Variants in TOP2B observed in about 807,000 individuals in gnomAD.
TOP2B encodes DNA topoisomerase II beta.
Under a neutral mutation model 193.5 loss-of-function variants are expected in TOP2B, and 51 were observed. The ratio of observed to expected loss-of-function variants is 0.26; its 90% CI spans 0.21 to 0.33. The LOEUF (loss-of-function observed/expected upper bound fraction) is 0.33. Ranked by LOEUF, TOP2B falls within the 10% of genes least tolerant of loss-of-function variation. The pLI, the probability that TOP2B is intolerant of heterozygous loss-of-function variation, is 1.00. For synonymous variants in TOP2B, 634 were observed against 635.7 expected, an observed-to-expected ratio of 1.00 and a Z score of 0.04; for missense variants, 1,378 against 1,909.3, an observed-to-expected ratio of 0.72 and a Z score of 5.19.
chr3:25,637,829 C>G (rs1703146298), intron 5 of TOP2B, among the ~76,000 whole-genome samples: 1 of 151,908 alleles, frequency 6.6e-6, no homozygotes, highest in Non-Finnish European at 1.5e-5. Context: ...TCAAGGAAAA[C>G]AGTTTAAAAG....
intron 33 of TOP2B, among the ~76,000 whole-genome samples, chr3:25,603,092 G>A (rs960653092): frequency 6.6e-6 from 1 of 152,088 alleles, no homozygotes; most frequent in African/African-American, 2.4e-5. Context: ...TAGCTTTTTG[G>A]TCATGCTAAA....
At chr3:25,661,271 T>C (rs1703901539) in intron 1 of TOP2B, among the ~76,000 whole-genome samples, 1 of 152,228 alleles carries the variant, frequency 6.6e-6, no homozygotes, top group South Asian at 2.1e-4. Flanking sequence ...AGTTCTGGGA[T>C]TACAGGCGTG....
intron 30 of TOP2B, among the ~76,000 whole-genome samples, chr3:25,608,624 G>T (rs1702293794): frequency 6.6e-6 from 1 of 152,024 alleles, no homozygotes; most frequent in African/African-American, 2.4e-5. Context: ...AATTTCAGAA[G>T]AATGTACAAA....
intron 1 of TOP2B, among the ~76,000 whole-genome samples, chr3:25,650,238 T>C (rs1160858535): frequency 6.6e-6 from 1 of 152,230 alleles, no homozygotes; most frequent in Non-Finnish European, 1.5e-5. Context: ...GCTAAAACTT[T>C]ACCTAACTTT....
intron 1 of TOP2B, among the ~76,000 whole-genome samples, chr3:25,650,379 T>A (rs1465970016): frequency 6.6e-6 from 1 of 152,230 alleles, no homozygotes; most frequent in Non-Finnish European, 1.5e-5. Flanking sequence ...GCTTTCGCTT[T>A]GATTGGACCA....
At chr3:25,642,204 A>C (rs938425759) in intron 4 of TOP2B, 118 bp downstream of exon 4, 5 of 539,294 alleles carry the variant, frequency 9.3e-6, no homozygotes, top group African/African-American at 3.8e-5. Flanking sequence ...ACAAAGTCTC[A>C]AACAACAGGG....
chr3:25,610,722 AC>A (rs1453576898), intron 28 of TOP2B, among the ~76,000 whole-genome samples: 1 of 152,200 alleles, frequency 6.6e-6, no homozygotes, highest in Non-Finnish European at 1.5e-5. Context: ...AATCAGACTG[AC>A]TTTTTAGAAT....
At chr3:25,652,244 A>G (rs922819710) in intron 1 of TOP2B, among the ~76,000 whole-genome samples, 4 of 152,206 alleles carry the variant, frequency 2.6e-5, no homozygotes, top group African/African-American at 9.6e-5. Context: ...TCACTAGCCC[A>G]CTTTCAGTTA....
intron 1 of TOP2B, among the ~76,000 whole-genome samples, chr3:25,655,802 T>C (rs1183631328): frequency 6.6e-6 from 1 of 152,184 alleles, no homozygotes; most frequent in Non-Finnish European, 1.5e-5. Context: ...ACTGTATGAT[T>C]ACAATCATAT....
chr3:25,633,783 G>A, intron 8 of TOP2B, 58 bp downstream of exon 8: 1 of 1,392,546 alleles, frequency 7.2e-7, no homozygotes, highest in East Asian at 2.6e-5. Context: ...TTGTTTTGTA[G>A]TTTTTATTGA....
intron 28 of TOP2B, among the ~76,000 whole-genome samples, chr3:25,610,601 A>G (rs1315609655): frequency 6.6e-6 from 1 of 152,246 alleles, no homozygotes. Context: ...AGGAAAAGTG[A>G]GAACAAAGTA....
chr3:25,604,123 G>C (rs967258078), intron 33 of TOP2B, among the ~76,000 whole-genome samples: 1 of 152,106 alleles, frequency 6.6e-6, no homozygotes, highest in African/African-American at 2.4e-5. Flanking sequence ...GTTGTCTGTT[G>C]TGAATTTTTA....
At chr3:25,601,782 A>C (rs1442566802) in intron 33 of TOP2B, among the ~76,000 whole-genome samples, 1 of 152,218 alleles carries the variant, frequency 6.6e-6, no homozygotes, top group Non-Finnish European at 1.5e-5. Context: ...CATTAAAATA[A>C]ATTAAGCAGT....
intron 1 of TOP2B, among the ~76,000 whole-genome samples, chr3:25,657,930 G>A (rs952116032): frequency 7.1e-6 from 1 of 141,418 alleles, no homozygotes; most frequent in Non-Finnish European, 1.5e-5. Context: ...GCGTAGTGGC[G>A]GGCGCCTGTA....
Position 25,664,546 on chromosome 3 carries a change from G to A in TOP2B, c.-249C>T, listed in dbSNP as rs1704031768. Reference sequence around the variant, plus strand: ...CGCCCGGGCCTAGCGCGGCGGCTGAGGAGAAAGCAGGGAGCGACCGGCGGC... The same window carrying A: ...CGCCCGGGCCTAGCGCGGCGGCTGAAGAGAAAGCAGGGAGCGACCGGCGGC... On this transcript the variant is annotated 5_prime_UTR_variant, in exon 1 of 36. Coordinates refer to ENST00000264331, the MANE Select transcript of TOP2B (RefSeq NM_001330700.2). 3 of 1,119,058 alleles carry A rather than the reference G, an allele frequency of 2.7e-6. No homozygotes were observed. The highest frequency in any genetic ancestry group is 3.3e-6 in the Non-Finnish European group (3 of 916,762). The allele number at this position is 1,119,058 out of a possible 1,614,324, so 69.3% of individuals were successfully genotyped here. A position where few individuals can be genotyped will look rare whatever the true frequency, so the allele number is the denominator to read the frequency against.
At chr3:25,643,476 T>C (rs988536505) in intron 3 of TOP2B, among the ~76,000 whole-genome samples, 8 of 152,140 alleles carry the variant, frequency 5.3e-5, no homozygotes, top group South Asian at 2.1e-4. Flanking sequence ...ATATAACACA[T>C]TGATTTCATA....
At chr3:25,620,634 G>A in intron 22 of TOP2B, 48 bp downstream of exon 22, 1 of 1,570,376 alleles carries the variant, frequency 6.4e-7, no homozygotes, top group Non-Finnish European at 8.6e-7. Context: ...AGAAAAAATT[G>A]CTTAATACAC....
chr3:25,616,410 G>GA (rs1702505791), intron 25 of TOP2B, among the ~76,000 whole-genome samples: 2 of 93,236 alleles, frequency 2.1e-5, no homozygotes, highest in Admixed American at 1.1e-4. Context: ...GTAACCAAAA[G>GA]AGGAAAAAAA....
intron 1 of TOP2B, among the ~76,000 whole-genome samples, chr3:25,660,104 T>A (rs1422296066): frequency 6.6e-6 from 1 of 152,186 alleles, no homozygotes; most frequent in Non-Finnish European, 1.5e-5. Context: ...GTGAACATAC[T>A]TCGATTCAGA....
Sources: gnomAD v4.1 joint callset for allele counts (sites outside exome capture counted in the v4.1 genomes callset) on GRCh38, gnomAD v4.1.1 for gene constraint, MANE v1.5 for transcripts, NCBI Gene and HGNC (gene_info 2026-07-23, HGNC 2026-07-21) for gene names.